CDH13: variants seen among roughly 807,000 people sequenced by gnomAD.
CDH13 encodes cadherin 13.
CDH13 carries 24 observed loss-of-function variants against 63.8 expected under a neutral mutation model. The observed-to-expected ratio is 0.38, with a 90% CI of 0.27 to 0.53. CDH13 has a LOEUF of 0.53. Ranked by LOEUF, CDH13 falls within the 20% of genes least tolerant of loss-of-function variation. The pLI is 0.85. For missense variants in CDH13, 1,049 were observed against 903.1 expected, an observed-to-expected ratio of 1.16 and a Z score of -2.07; for synonymous variants, 503 against 355.3, an observed-to-expected ratio of 1.42 and a Z score of -4.67.
At chr16:83,301,437 C>G (rs892423244) in intron 5 of CDH13, among the ~76,000 whole-genome samples, 3 of 152,106 alleles carry the variant, frequency 2.0e-5, no homozygotes, top group African/African-American at 7.2e-5. Flanking sequence ...TTACCCAGTA[C>G]CTTGTTTAAT....
intron 8 of CDH13, among the ~76,000 whole-genome samples, chr16:83,649,509 A>G (rs1482989553): frequency 6.6e-6 from 1 of 152,142 alleles, no homozygotes; most frequent in East Asian, 1.9e-4. Flanking sequence ...TTGGAGAGTC[A>G]TGAACATGTT....
intron 1 of CDH13, among the ~76,000 whole-genome samples, chr16:82,743,627 G>A (rs920330266): frequency 1.3e-5 from 2 of 152,106 alleles, no homozygotes; most frequent in African/African-American, 4.8e-5. Flanking sequence ...TACCTTTCAT[G>A]TACACAATTT....
chr16:82,835,362 T>A (rs1247594522), intron 1 of CDH13, among the ~76,000 whole-genome samples: 1 of 152,182 alleles, frequency 6.6e-6, no homozygotes, highest in African/African-American at 2.4e-5. Context: ...CTTGGTCTCT[T>A]CTTCCTTTTT....
intron 3 of CDH13, among the ~76,000 whole-genome samples, chr16:83,066,452 T>C (rs570354722): frequency 1.3e-5 from 2 of 152,190 alleles, no homozygotes; most frequent in African/African-American, 2.4e-5. Flanking sequence ...GGAGGCCTTC[T>C]GACCGAGGAC....
chr16:83,703,546 A>G (rs990248254), intron 10 of CDH13, among the ~76,000 whole-genome samples: 5 of 152,248 alleles, frequency 3.3e-5, no homozygotes, highest in African/African-American at 1.2e-4. Flanking sequence ...GATTCCAATT[A>G]TACAAATCAC....
At chr16:83,353,033 C>T (rs2090987992) in intron 6 of CDH13, among the ~76,000 whole-genome samples, 1 of 152,146 alleles carries the variant, frequency 6.6e-6, no homozygotes, top group Non-Finnish European at 1.5e-5. Flanking sequence ...TACACATGGA[C>T]ATAGAGTGTG....
chr16:82,790,925 A>G lies in CDH13; in HGVS notation c.46-67437A>G, dbSNP rs2036266603. On this transcript the variant is annotated intron_variant, in intron 1 of 13. Transcript: ENST00000567109. ...GTGGGTGAGAGACAGGACTAGCTGG[A>G]TTTCCTAGGCCAACTAAGAATTCCT... Among the ~76,000 whole-genome samples, 3 of 152,294 alleles carry G rather than the reference A, an allele frequency of 2.0e-5. No homozygotes were observed. The South Asian group carries it at 6.2e-4, about 32-fold the overall frequency.
At chr16:82,797,968 C>T (rs764238162) in intron 1 of CDH13, among the ~76,000 whole-genome samples, 1 of 152,100 alleles carries the variant, frequency 6.6e-6, no homozygotes, top group Non-Finnish European at 1.5e-5. Context: ...AGTGGTCTCT[C>T]CTGTCACCAC....
At chr16:83,429,617 A>G (rs2072030246) in intron 6 of CDH13, among the ~76,000 whole-genome samples, 1 of 152,182 alleles carries the variant, frequency 6.6e-6, no homozygotes, top group Non-Finnish European at 1.5e-5. Flanking sequence ...CTCCAGCCAA[A>G]CAACCTACTC....
In CDH13 at chr16:83,485,308, A is replaced by G. The variant is rs1489309; in HGVS notation, c.782-1169A>G. Among the ~76,000 whole-genome samples, 264 of 152,348 alleles carry G rather than the reference A, an allele frequency of 1.7e-3. 4 individuals are homozygous for G. The South Asian group carries it at 0.038, about 22-fold the overall frequency. On this transcript the variant is annotated intron_variant, in intron 6 of 13. Transcript: ENST00000567109. ...CATTGTTTTTACTCTTTGCTGCCCAATGGTCCTTGACAATGGATATACCAG... is the reference window on the plus strand; with the variant it reads ...CATTGTTTTTACTCTTTGCTGCCCAGTGGTCCTTGACAATGGATATACCAG...
chr16:83,330,813 C>T (rs1193659290), intron 5 of CDH13, among the ~76,000 whole-genome samples: 1 of 152,156 alleles, frequency 6.6e-6, no homozygotes, highest in African/African-American at 2.4e-5. Context: ...CCTATGCTTC[C>T]TCTTAATTCT....
At chr16:82,917,741 G>A (rs1439822917) in intron 2 of CDH13, among the ~76,000 whole-genome samples, 2 of 151,726 alleles carry the variant, frequency 1.3e-5, no homozygotes, top group African/African-American at 2.4e-5. Context: ...GTGAAACCTC[G>A]GCTCTACTAA....
chr16:83,588,723 T>G (rs1401233557), intron 7 of CDH13, among the ~76,000 whole-genome samples: 2 of 152,186 alleles, frequency 1.3e-5, no homozygotes, highest in Non-Finnish European at 2.9e-5. Flanking sequence ...CTAGACAGAT[T>G]TTGAAGGAAA....
At chr16:82,631,131 C>G (rs1470628544) in intron 1 of CDH13, among the ~76,000 whole-genome samples, 2 of 152,164 alleles carry the variant, frequency 1.3e-5, no homozygotes, top group East Asian at 3.8e-4. Flanking sequence ...TTCTTGCTTT[C>G]TTTCTTTTCC....
intron 4 of CDH13, among the ~76,000 whole-genome samples, chr16:83,149,098 G>A (rs1026122009): frequency 1.1e-4 from 17 of 152,106 alleles, no homozygotes; most frequent in African/African-American, 4.1e-4. Context: ...TTGTTACTAT[G>A]GCTACATGTT....
At chr16:82,828,715 C>T (rs894447589) in intron 1 of CDH13, among the ~76,000 whole-genome samples, 1 of 151,800 alleles carries the variant, frequency 6.6e-6, no homozygotes, top group African/African-American at 2.4e-5. Flanking sequence ...TATACACACA[C>T]ACATTCAAAG....
chr16:83,224,007 A>G (rs2039774704), intron 5 of CDH13, among the ~76,000 whole-genome samples: 3 of 152,148 alleles, frequency 2.0e-5, no homozygotes, highest in Admixed American at 2.0e-4. Flanking sequence ...CCCCCTTGCC[A>G]AGTCCCCAAA....
chr16:83,116,086 C>T lies in CDH13; in HGVS notation c.367-9299C>T, dbSNP rs181925816. ...CTTTTATGCCCTTGGCTGGGTGTGA[C>T]GGAAAGGGGCAGGGACAGACAAAAC... On this transcript the variant is annotated intron_variant, in intron 3 of 13. Transcript: ENST00000567109. 4.6e-5 allele frequency among the ~76,000 whole-genome samples: 7 copies of T among 152,236 alleles called. No homozygotes were observed. In the East Asian group the frequency reaches 5.8e-4, roughly 13 times the overall value.
At chr16:82,680,859 G>C (rs955666015) in intron 1 of CDH13, among the ~76,000 whole-genome samples, 9 of 152,196 alleles carry the variant, frequency 5.9e-5, no homozygotes, top group Admixed American at 5.2e-4. Flanking sequence ...CCTAACCTGG[G>C]TGGTGGCCAT....
Sources: gnomAD v4.1 joint callset for allele counts (sites outside exome capture counted in the v4.1 genomes callset) on GRCh38, gnomAD v4.1.1 for gene constraint, MANE v1.5 for transcripts, NCBI Gene and HGNC (gene_info 2026-07-23, HGNC 2026-07-21) for gene names.